The following PCDH7 variants were observed in gnomAD, a reference collection of about 807,000 sequenced individuals.
The protein encoded by PCDH7 is protocadherin 7, also known as protocadherin-7.
In PCDH7, 17 loss-of-function variants were observed where a neutral mutation model predicts 58.9. The ratio of observed to expected loss-of-function variants is 0.29; its 90% CI spans 0.20 to 0.43. The LOEUF (loss-of-function observed/expected upper bound fraction) is 0.43. Among genes scored for constraint, PCDH7 ranks in the 20% least tolerant of loss-of-function variants. The pLI, the probability that PCDH7 is intolerant of heterozygous loss-of-function variation, is 1.00. For missense variants in PCDH7, 1,274 were observed against 1,441.0 expected (o/e 0.88, Z 1.88); for synonymous variants, 664 against 616.4 (o/e 1.08, Z -1.14).
At chr4:31,070,250 G>A (rs892662339) in intron 3 of PCDH7, among the ~76,000 whole-genome samples, 1 of 151,868 alleles carries the variant, frequency 6.6e-6, no homozygotes, top group African/African-American at 2.4e-5. Flanking sequence ...AGGATTTATC[G>A]ATTGACAAAT....
intron 1 of PCDH7, among the ~76,000 whole-genome samples, chr4:30,786,363 T>G (rs1263125396): frequency 2.0e-5 from 3 of 151,994 alleles, no homozygotes; most frequent in Non-Finnish European, 2.9e-5. Flanking sequence ...TTATTTGTAT[T>G]TGTAATATAA....
intron 3 of PCDH7, among the ~76,000 whole-genome samples, chr4:31,024,859 C>T (rs955654980): frequency 6.6e-6 from 1 of 152,130 alleles, no homozygotes; most frequent in Non-Finnish European, 1.5e-5. Context: ...TCTCCTGCCT[C>T]AGCCTCTGGA....
intron 1 of PCDH7, among the ~76,000 whole-genome samples, chr4:30,858,209 C>A (rs1733738814): frequency 6.6e-6 from 1 of 152,096 alleles, no homozygotes; most frequent in Non-Finnish European, 1.5e-5. Context: ...TATACTCTTC[C>A]CATTCTGATA....
chr4:31,081,576 C>G (rs1260288209), intron 3 of PCDH7, among the ~76,000 whole-genome samples: 1 of 152,048 alleles, frequency 6.6e-6, no homozygotes, highest in Non-Finnish European at 1.5e-5. Flanking sequence ...TTCAATATTG[C>G]AACATTATTA....
At chr4:30,821,370 A>G (rs1728352814) in intron 1 of PCDH7, among the ~76,000 whole-genome samples, 1 of 152,222 alleles carries the variant, frequency 6.6e-6, no homozygotes, top group Admixed American at 6.5e-5. Flanking sequence ...CATCATGCAG[A>G]GGAAAGGGGT....
At chr4:31,061,119 T>A (rs1757657285) in intron 3 of PCDH7, among the ~76,000 whole-genome samples, 1 of 151,746 alleles carries the variant, frequency 6.6e-6, no homozygotes, top group Admixed American at 6.6e-5. Flanking sequence ...TCATGTTGAT[T>A]TCTATGGGAT....
intron 2 of PCDH7, among the ~76,000 whole-genome samples, chr4:30,929,098 A>G (rs1380668986): frequency 1.3e-5 from 2 of 152,158 alleles, no homozygotes; most frequent in African/African-American, 4.8e-5. Flanking sequence ...TTCAAACTCA[A>G]TAATAACCCG....
At chr4:30,776,602 A>G (rs1198533379) in intron 1 of PCDH7, among the ~76,000 whole-genome samples, 1 of 152,190 alleles carries the variant, frequency 6.6e-6, no homozygotes, top group African/African-American at 2.4e-5. Context: ...TCACTGAGGA[A>G]CATTCCTTCC....
chr4:31,077,148 C>T (rs1364801151), intron 3 of PCDH7, among the ~76,000 whole-genome samples: 3 of 152,052 alleles, frequency 2.0e-5, no homozygotes, highest in African/African-American at 4.8e-5. Flanking sequence ...CAGTGGCTCA[C>T]GCCTGTAATC....
chr4:30,812,436 C>T (rs1727141149), intron 1 of PCDH7, among the ~76,000 whole-genome samples: 1 of 152,148 alleles, frequency 6.6e-6, no homozygotes, highest in Admixed American at 6.5e-5. Context: ...GTTGAATACC[C>T]TAGTCAGGAC....
chr4:31,118,655 A>G (rs1329416396), intron 3 of PCDH7, among the ~76,000 whole-genome samples: 2 of 152,188 alleles, frequency 1.3e-5, no homozygotes, highest in Non-Finnish European at 2.9e-5. Flanking sequence ...TTTGGTACTG[A>G]TGGTACAAAT....
downstream of PCDH7, among the ~76,000 whole-genome samples, chr4:30,737,456 T>G (rs1199566007): frequency 6.6e-6 from 1 of 152,112 alleles, no homozygotes; most frequent in Non-Finnish European, 1.5e-5. Context: ...AGGTTGAGGC[T>G]GCAGTCACCT....
intron 1 of PCDH7, among the ~76,000 whole-genome samples, chr4:30,789,407 C>T (rs1723823176): frequency 6.6e-6 from 1 of 152,140 alleles, no homozygotes. Flanking sequence ...GCTGTAGGCT[C>T]TTTCATCTAA....
intron 1 of PCDH7, among the ~76,000 whole-genome samples, chr4:30,804,476 T>C (rs1016893678): frequency 5.3e-5 from 8 of 151,494 alleles, no homozygotes; most frequent in Non-Finnish European, 1.5e-5. Context: ...GAGGCAGAGG[T>C]TGCAGTGAAC....
chr4:30,724,578 T>C (rs1239173254), exon 1 of PCDH7: 1 of 1,613,910 alleles, frequency 6.2e-7, no homozygotes, highest in Non-Finnish European at 8.5e-7. Flanking sequence ...GTCAAACCAA[T>C]AACAAGTACA....
At chr4:30,909,704 T>A (rs769701245) in intron 1 of PCDH7, among the ~76,000 whole-genome samples, 37 of 152,336 alleles carry the variant, frequency 2.4e-4, no homozygotes, top group Non-Finnish European at 4.9e-4. Context: ...AAACATTCCA[T>A]GCTCATGGGT....
At chr4:30,811,878 A>G (rs1727071635) in intron 1 of PCDH7, among the ~76,000 whole-genome samples, 1 of 152,158 alleles carries the variant, frequency 6.6e-6, no homozygotes, top group African/African-American at 2.4e-5. Context: ...AAGTGATAAT[A>G]ATATTTCACC....
exon 2 of PCDH7, chr4:30,730,841 A>C: frequency 6.5e-7 from 1 of 1,533,836 alleles, no homozygotes; most frequent in Non-Finnish European, 8.7e-7. Context: ...TGACCTTTCT[A>C]CTCCGAAACC....
intron 3 of PCDH7, among the ~76,000 whole-genome samples, chr4:31,002,141 C>T (rs1168064677): frequency 5.3e-5 from 8 of 152,140 alleles, no homozygotes; most frequent in African/African-American, 1.9e-4. Context: ...ATTGGGAATC[C>T]TCAACATGCT....
Sources: allele counts gnomAD v4.1 joint callset (sites outside exome capture counted in the v4.1 genomes callset), GRCh38; gene constraint gnomAD v4.1.1; transcripts MANE v1.5; gene names NCBI Gene and HGNC (gene_info 2026-07-23, HGNC 2026-07-21).